Variants in SLC4A10 observed in about 807,000 individuals in gnomAD.
SLC4A10 encodes solute carrier family 4 member 10, also known as sodium-driven chloride bicarbonate exchanger.
In SLC4A10, 42 loss-of-function variants were observed where a neutral mutation model predicts 137.7. That is an observed-to-expected ratio of 0.30 (90% CI 0.24 to 0.39). SLC4A10 has a LOEUF of 0.39. Ranked by LOEUF, SLC4A10 falls within the 10% of genes least tolerant of loss-of-function variation. SLC4A10 has a pLI of 1.00. For synonymous variants in SLC4A10, 474 were observed against 464.1 expected, an observed-to-expected ratio of 1.02 and a Z score of -0.27; for missense variants, 925 against 1,355.0, an observed-to-expected ratio of 0.68 and a Z score of 4.98.
At chr2:161,670,836 AAAC>A (rs1288075527) in intron 1 of SLC4A10, among the ~76,000 whole-genome samples, 1 of 152,114 alleles carries the variant, frequency 6.6e-6, no homozygotes, top group East Asian at 1.9e-4. Flanking sequence ...GGTCCAGATC[AAAC>A]CTCCCTCTTC....
chr2:161,680,816 G>A (rs2040775462), intron 1 of SLC4A10, among the ~76,000 whole-genome samples: 1 of 152,092 alleles, frequency 6.6e-6, no homozygotes, highest in Non-Finnish European at 1.5e-5. Flanking sequence ...GCAGTCTGCA[G>A]AATGAATTTT....
chr2:161,842,742 G>T (rs1013241923), intron 4 of SLC4A10, among the ~76,000 whole-genome samples: 1 of 152,074 alleles, frequency 6.6e-6, no homozygotes, highest in African/African-American at 2.4e-5. Flanking sequence ...CAAAAACTAC[G>T]TAGTAGTTTT....
chr2:161,705,109 C>G (rs1448548307), intron 1 of SLC4A10, among the ~76,000 whole-genome samples: 2 of 151,342 alleles, frequency 1.3e-5, no homozygotes, highest in Non-Finnish European at 3.0e-5. Flanking sequence ...ATATAGAAAA[C>G]TTGTGATTCT....
intron 1 of SLC4A10, among the ~76,000 whole-genome samples, chr2:161,682,296 G>A (rs1312615704): frequency 1.3e-5 from 2 of 152,036 alleles, no homozygotes; most frequent in Non-Finnish European, 2.9e-5. Context: ...CTTGCCTGTG[G>A]AACTATTTTC....
chr2:161,893,488 G>A (rs968639258), intron 10 of SLC4A10, among the ~76,000 whole-genome samples: 19 of 152,040 alleles, frequency 1.2e-4, no homozygotes, highest in Admixed American at 4.6e-4. Context: ...TTGGGGCCAG[G>A]AGTTCAAGAC....
intron 20 of SLC4A10, 122 bp downstream of exon 20, chr2:161,957,362 T>C: frequency 8.8e-7 from 1 of 1,136,726 alleles, no homozygotes; most frequent in Non-Finnish European, 1.2e-6. Context: ...AAGTGATGAA[T>C]TTCTGAACCA....
intron 15 of SLC4A10, among the ~76,000 whole-genome samples, chr2:161,940,063 AG>A (rs1692391443): frequency 6.6e-6 from 1 of 152,186 alleles, no homozygotes. Flanking sequence ...AATCATGAAA[AG>A]TCTCTGGAAA....
intron 1 of SLC4A10, among the ~76,000 whole-genome samples, chr2:161,678,517 C>T (rs1172865758): frequency 1.3e-5 from 2 of 152,108 alleles, no homozygotes; most frequent in African/African-American, 2.4e-5. Flanking sequence ...TAATCTTATG[C>T]GTGCATGTGA....
chr2:161,873,951 A>G lies in SLC4A10; in HGVS notation c.894A>G (p.Pro298=). Reference sequence around the variant, plus strand: ...GCCAACAAAAGGGGCATACTAGTCCATGTGGGATGAAACAAAGGCATGAAA... The same window carrying G: ...GCCAACAAAAGGGGCATACTAGTCCGTGTGGGATGAAACAAAGGCATGAAA... The part of the protein sequence containing the change: ...LGGQQKGHTS[P]CGMKQRHEKG... Residue 298 remains proline (P), a synonymous_variant, in exon 8 of 27, where the codon CCA becomes CCG. Transcript: ENST00000446997. 3 of 1,595,390 alleles carry G rather than the reference A, an allele frequency of 1.9e-6. No individual in the cohort carries two copies. The highest frequency in any genetic ancestry group is 1.7e-6 in the Non-Finnish European group (2 of 1,178,390).
chr2:161,765,220 G>T (rs1018555783), intron 1 of SLC4A10, among the ~76,000 whole-genome samples: 2 of 152,086 alleles, frequency 1.3e-5, no homozygotes, highest in Admixed American at 1.3e-4. Context: ...ACTATGTTGA[G>T]ATATAAAATG....
rs56159201 is a variant in SLC4A10, at chr2:161,945,182, G to GTATA, written c.2104-2334_2104-2331dup. On this transcript the variant is annotated intron_variant, in intron 16 of 26. Transcript: ENST00000446997. ...CAAACTGGAGTACTTAAGTTTGTGT[G>GTATA]TATATATATATATATATATATATAT... 2.8e-3 allele frequency among the ~76,000 whole-genome samples: 245 copies of GTATA among 88,752 alleles called. 2 individuals carry two copies. The highest frequency in any genetic ancestry group is 4.8e-3 in the East Asian group (9 of 1,872). 58.2% of individuals were successfully genotyped at this position (88,752 alleles called of 152,430 possible).
At chr2:161,962,545 G>T (rs1451802888) in intron 21 of SLC4A10, among the ~76,000 whole-genome samples, 3 of 152,074 alleles carry the variant, frequency 2.0e-5, no homozygotes, top group Non-Finnish European at 4.4e-5. Flanking sequence ...TTAGGAAATA[G>T]AAATTTTAAA....
intron 1 of SLC4A10, among the ~76,000 whole-genome samples, chr2:161,692,502 T>C (rs2124931212): frequency 6.6e-6 from 1 of 152,202 alleles, no homozygotes; most frequent in Non-Finnish European, 1.5e-5. Flanking sequence ...TTTAAGTCAG[T>C]ACTTAACACG....
intron 16 of SLC4A10, 80 bp downstream of exon 16, chr2:161,942,977 A>AT: frequency 9.7e-7 from 1 of 1,028,336 alleles, no homozygotes; most frequent in Non-Finnish European, 1.4e-6. Context: ...TTACAGTAAA[A>AT]TTTTTTTGAA....
chr2:161,844,577 C>G (rs189767489), intron 4 of SLC4A10, among the ~76,000 whole-genome samples: 1 of 152,136 alleles, frequency 6.6e-6, no homozygotes, highest in East Asian at 1.9e-4. Context: ...GGATGATAGA[C>G]TTACTCTTTT....
At chr2:161,738,541 T>C (rs150060898) in intron 1 of SLC4A10, among the ~76,000 whole-genome samples, 21 of 152,356 alleles carry the variant, frequency 1.4e-4, no homozygotes, top group Non-Finnish European at 2.5e-4. Context: ...CTTTGTGATT[T>C]GTACAAGAAC....
chr2:161,646,356 G>T (rs1040848295), intron 1 of SLC4A10, among the ~76,000 whole-genome samples: 3 of 151,924 alleles, frequency 2.0e-5, no homozygotes, highest in African/African-American at 7.2e-5. Flanking sequence ...ACTGAAATTT[G>T]CTTGATGATG....
At chr2:161,742,604 C>CT (rs1223915862) in intron 1 of SLC4A10, among the ~76,000 whole-genome samples, 2 of 151,646 alleles carry the variant, frequency 1.3e-5, no homozygotes, top group East Asian at 1.9e-4. Flanking sequence ...CCAGACCTGG[C>CT]TTTTTTTGTA....
chr2:161,741,248 GAA>G (rs2047852919), intron 1 of SLC4A10, among the ~76,000 whole-genome samples: 1 of 91,102 alleles, frequency 1.1e-5, no homozygotes, highest in Non-Finnish European at 2.0e-5. Flanking sequence ...GTGTTACAGA[GAA>G]AGACTCTCAA....
Sources: gnomAD v4.1 joint callset for allele counts (sites outside exome capture counted in the v4.1 genomes callset) on GRCh38, gnomAD v4.1.1 for gene constraint, MANE v1.5 for transcripts, NCBI Gene and HGNC (gene_info 2026-07-23, HGNC 2026-07-21) for gene names.